ZMIZ2: variants seen among roughly 807,000 people sequenced by gnomAD.
The protein encoded by ZMIZ2 is zinc finger MIZ domain-containing protein 2.
Under a neutral mutation model 93.9 loss-of-function variants are expected in ZMIZ2, and 26 were observed. The observed-to-expected ratio is 0.28, with a 90% CI of 0.20 to 0.38. ZMIZ2 has a LOEUF of 0.38. Among genes scored for constraint, ZMIZ2 ranks in the 10% least tolerant of loss-of-function variants. The pLI is 1.00. For missense variants in ZMIZ2, 1,023 were observed against 1,235.0 expected (o/e 0.83, Z 2.57); for synonymous variants, 485 against 516.4 (o/e 0.94, Z 0.82).
intron 11 of ZMIZ2, among the ~76,000 whole-genome samples, chr7:44,762,394 A>G (rs1239782010): frequency 1.3e-5 from 2 of 152,236 alleles, no homozygotes; most frequent in Non-Finnish European, 2.9e-5. Flanking sequence ...TCTAGCAAGC[A>G]TCAGGGTCAC....
rs532673466 is a variant in ZMIZ2 at position 44,768,223 on chromosome 7, G to C, written c.*600G>C. The C allele has an allele frequency of 8.8e-5, 14 of 159,310 alleles. No individual in the cohort carries two copies. Among genetic ancestry groups the C allele is most frequent in the Admixed American group, 8.6e-4 (14 of 16,190 alleles). 9.9% of individuals were successfully genotyped at this position (159,310 alleles called of 1,614,324 possible). ...CACCCCAGCTTCAAGCAGAGGCCTC[G>C]GGGTGGGGGAGCTACAAAGCACAAC... On this transcript the variant is annotated 3_prime_UTR_variant, in exon 19 of 19. Coordinates refer to ENST00000309315, the MANE Select transcript of ZMIZ2 (RefSeq NM_031449.4).
chr7:44,761,810 G>A lies in ZMIZ2; in HGVS notation c.1501G>A (p.Gly501Ser), dbSNP rs955021486. Residue 501 changes from glycine to serine, a missense_variant, in exon 11 of 19, where the codon GGC (glycine) becomes AGC (serine). Physicochemically the swap from Gly to Ser is moderately conservative, Grantham distance 56 (BLOSUM62 0). Around this residue, in one of 3 missense-constraint regions of ZMIZ2, gnomAD observed 656 missense variants for 777.1 expected, o/e 0.84. Transcript: ENST00000309315. This position sits in a 1 kb window ranked among gnomAD's most constrained non-coding sequence, Gnocchi z 5.8. ...VNATPLTIER[G>S]DNKTSHKPLY... is the part of the protein sequence containing the mutation. Reference sequence around the variant, plus strand: ...TGCCACGCCGCTCACCATCGAGCGTGGCGACAACAAGACCTCGCACAAGCC... The same window carrying A: ...TGCCACGCCGCTCACCATCGAGCGTAGCGACAACAAGACCTCGCACAAGCC... The A allele has an allele frequency of 6.2e-7, 1 of 1,613,720 alleles. No individual in the cohort carries two copies. The highest frequency in any genetic ancestry group is 1.3e-5 in the African/African-American group (1 of 74,944).
Position 44,757,545 on chromosome 7 carries a change from T to C in ZMIZ2, c.536T>C (p.Leu179Pro). ...AALQEKQSQE[L>P]SQYGAMGAGQ... ...CTCCAGGAGAAGCAGAGCCAGGAGC[T>C]GAGCCAGTATGGAGCGGTGAGCCCC... Residue 179 changes from leucine to proline, a missense_variant, in exon 5 of 19, where the codon CTG becomes CCG. Coordinates refer to ENST00000309315, the MANE Select transcript of ZMIZ2 (RefSeq NM_031449.4). 1 of 1,605,506 alleles carries C rather than the reference T, an allele frequency of 6.2e-7. No individual in the cohort carries two copies. Among genetic ancestry groups the C allele is most frequent in the South Asian group, 1.1e-5 (1 of 90,606 alleles).
chr7:44,761,336 C>T lies in ZMIZ2; in HGVS notation c.1241-113C>T. 1 of 1,501,444 alleles carries T rather than the reference C, an allele frequency of 6.7e-7. No individual in the cohort carries two copies. Among genetic ancestry groups the T allele is most frequent in the Admixed American group, 2.1e-5 (1 of 46,688 alleles). 93.0% of individuals were successfully genotyped at this position (1,501,444 alleles called of 1,614,324 possible). A position where few individuals can be genotyped will look rare whatever the true frequency, so the allele number is the denominator to read the frequency against. On this transcript the variant is annotated intron_variant, in intron 9 of 18. Coordinates refer to ENST00000309315, the MANE Select transcript of ZMIZ2 (RefSeq NM_031449.4). The surrounding 1 kb of genome is among the most constrained non-coding windows in gnomAD (Gnocchi z 5.8). ...AGCAGTGCCTGACAGGAGGGGCTCCCTTCACCAAGGTCCCTGCGGGGAAGG... is the reference window on the plus strand; with the variant it reads ...AGCAGTGCCTGACAGGAGGGGCTCCTTTCACCAAGGTCCCTGCGGGGAAGG...
At chr7:44,752,726 T>C (rs1401537559) in intron 1 of ZMIZ2, among the ~76,000 whole-genome samples, 7 of 152,246 alleles carry the variant, frequency 4.6e-5, no homozygotes. Context: ...GGGCTATGGA[T>C]GTACCACCGT....
intron 7 of ZMIZ2, 84 bp downstream of exon 7, chr7:44,759,544 AGAG>A: frequency 1.7e-6 from 2 of 1,173,622 alleles, no homozygotes; most frequent in Non-Finnish European, 2.1e-6. Flanking sequence ...CCTGTCCTCG[AGAG>A]CGACAGGGTG....
rs754735616 is a variant in ZMIZ2 at position 44,761,473 on chromosome 7, G to C, written c.1265G>C (p.Arg422Pro). The C allele has an allele frequency of 6.2e-7, 1 of 1,613,758 alleles. No homozygotes were observed. The highest frequency in any genetic ancestry group is 8.5e-7 in the Non-Finnish European group (1 of 1,180,036). The change falls in exon 10 of 19, where the codon CGG (arginine) becomes CCG (proline). Residue 422 changes from arginine (R) to proline (P), a missense_variant. This residue lies in a region of ZMIZ2 where 656 missense variants were observed against 777.1 expected (regional missense o/e 0.84). Coordinates refer to ENST00000309315, the MANE Select transcript of ZMIZ2 (RefSeq NM_031449.4). The surrounding 1 kb of genome is among the most constrained non-coding windows in gnomAD (Gnocchi z 5.8). ...GGAAGCGGGCCTTGTGACGAGTTGC[G>C]GCTGACCTTCCCTGTGCGCGATGGG... is the stretch of plus-strand genomic sequence containing the variant. The part of the protein sequence containing the change: ...PSGSGPCDEL[R>P]LTFPVRDGVV...
rs780340492 is a variant in ZMIZ2, at chr7:44,761,827, G to C, written c.1518G>C (p.Ser506=). 8.7e-6 allele frequency: 14 copies of C among 1,613,218 alleles called. No individual in the cohort carries two copies. Among genetic ancestry groups the C allele is most frequent in the Non-Finnish European group, 1.2e-5 (14 of 1,180,018 alleles). ...TCGAGCGTGGCGACAACAAGACCTC[G>C]CACAAGCCACTCTACCTGAAGCATG... ...LTIERGDNKT[S]HKPLYLKHVC... is the part of the protein sequence containing the mutation. The change falls in exon 11 of 19, where the codon TCG becomes TCC. Residue 506 remains serine (S), a synonymous_variant. Coordinates refer to ENST00000309315, the MANE Select transcript of ZMIZ2 (RefSeq NM_031449.4). This position sits in a 1 kb window ranked among gnomAD's most constrained non-coding sequence, Gnocchi z 5.8.
At chr7:44,756,041 G>A (rs1219812534) in intron 1 of ZMIZ2, 147 bp from the exon 2 acceptor site, 3 of 650,624 alleles carry the variant, frequency 4.6e-6, no homozygotes, top group African/African-American at 1.8e-5. Flanking sequence ...TCAGTACTAG[G>A]CCCCTCCACT....
In ZMIZ2 at chr7:44,761,491, G is replaced by A. The variant is rs371361187; in HGVS notation, c.1283G>A (p.Arg428His). ...CDELRLTFPV[R>H]DGVVLEPFRL... is the part of the protein sequence containing the mutation. Reference sequence around the variant, plus strand: ...GAGTTGCGGCTGACCTTCCCTGTGCGCGATGGGGTGGTCCTGGAGCCCTTC... The same window carrying A: ...GAGTTGCGGCTGACCTTCCCTGTGCACGATGGGGTGGTCCTGGAGCCCTTC... The change falls in exon 10 of 19, where the codon CGC (arginine) becomes CAC (histidine). Residue 428 changes from arginine (R) to histidine (H), a missense_variant. Around this residue, in one of 3 missense-constraint regions of ZMIZ2, gnomAD observed 656 missense variants for 777.1 expected, o/e 0.84. Transcript: ENST00000309315. The surrounding 1 kb of genome is among the most constrained non-coding windows in gnomAD (Gnocchi z 5.8). 5 of 1,613,988 alleles carry A rather than the reference G, an allele frequency of 3.1e-6. No homozygotes were observed. Among genetic ancestry groups the A allele is most frequent in the South Asian group, 1.1e-5 (1 of 91,084 alleles).
chr7:44,751,855 A>C (rs1414363853), intron 1 of ZMIZ2, among the ~76,000 whole-genome samples: 1 of 152,076 alleles, frequency 6.6e-6, no homozygotes, highest in African/African-American at 2.4e-5. Context: ...CCAGTTACTC[A>C]GGAGGCTGAG....
intron 18 of ZMIZ2, 63 bp from the exon 19 acceptor site, chr7:44,767,453 A>G: frequency 1.5e-6 from 2 of 1,317,544 alleles, no homozygotes; most frequent in Non-Finnish European, 2.2e-6. Flanking sequence ...TGGTGACAGG[A>G]TGGTCACTCA....
intron 1 of ZMIZ2, among the ~76,000 whole-genome samples, chr7:44,752,312 C>G (rs1385718658): frequency 1.3e-5 from 2 of 151,928 alleles, no homozygotes; most frequent in East Asian, 1.9e-4. Flanking sequence ...CCAGCTAATT[C>G]TTATGTTTTT....
At chr7:44,751,867 C>T (rs1790176389) in intron 1 of ZMIZ2, among the ~76,000 whole-genome samples, 1 of 151,880 alleles carries the variant, frequency 6.6e-6, no homozygotes, top group African/African-American at 2.4e-5. Context: ...GAGGCTGAGG[C>T]AGGAGAATCG....
In ZMIZ2 at chr7:44,766,735, G is replaced by A. The variant is rs1273668773; in HGVS notation, c.2655+72G>A. The A allele has an allele frequency of 4.2e-5, 67 of 1,578,364 alleles. No individual in the cohort carries two copies. Among genetic ancestry groups the A allele is most frequent in the African/African-American group, 5.4e-5 (4 of 73,842 alleles). On this transcript the variant is annotated intron_variant, in intron 18 of 18. Coordinates refer to ENST00000309315, the MANE Select transcript of ZMIZ2 (RefSeq NM_031449.4). The surrounding 1 kb of genome is among the most constrained non-coding windows in gnomAD (Gnocchi z 4.4). ...GAGGTGGTGTGTCTGTTCCAGGTGC[G>A]TTCTGGAAGGGAAGACAGTGACCCC...
chr7:44,750,443 A>G (rs1790038251), intron 1 of ZMIZ2, among the ~76,000 whole-genome samples: 2 of 152,142 alleles, frequency 1.3e-5, no homozygotes. Context: ...TTCCACAGCC[A>G]TCATTTCTTC....
chr7:44,764,129 C>T (rs1024447757), intron 13 of ZMIZ2, among the ~76,000 whole-genome samples: 2 of 152,270 alleles, frequency 1.3e-5, no homozygotes, highest in South Asian at 2.1e-4. Flanking sequence ...CAGAGCGAGA[C>T]TCTTGTCTCG....
In ZMIZ2 at chr7:44,767,854, T is replaced by C. The variant is rs1791872957; in HGVS notation, c.*231T>C. 7 of 580,094 alleles carry C rather than the reference T, an allele frequency of 1.2e-5. No individual in the cohort carries two copies. The South Asian group carries it at 1.4e-4, about 11-fold the overall frequency. The allele number at this position is 580,094 out of a possible 1,614,324, so 35.9% of individuals were successfully genotyped here. The stretch of plus-strand genomic sequence containing the variant: ...CCTTGCCACCTCCCTCTGCCAAGCC[T>C]GCTGCTGCAGAACGGTTTTTGCTGA... On this transcript the variant is annotated 3_prime_UTR_variant, in exon 19 of 19. Transcript: ENST00000309315.
intron 14 of ZMIZ2, 110 bp from the exon 15 acceptor site, chr7:44,764,831 A>G (rs1437786954): frequency 8.8e-7 from 1 of 1,141,822 alleles, no homozygotes; most frequent in African/African-American, 1.5e-5. Flanking sequence ...TGCCTCACAC[A>G]GGATTGCCTC....
Sources: allele counts gnomAD v4.1 joint callset (sites outside exome capture counted in the v4.1 genomes callset), GRCh38; gene constraint gnomAD v4.1.1; regional missense constraint gnomAD v4.1.1; non-coding constraint Gnocchi (gnomAD v3.1); transcripts MANE v1.5; gene names NCBI Gene and HGNC (gene_info 2026-07-23, HGNC 2026-07-21).